The following TRAF3IP2 variants were observed in gnomAD, a reference collection of about 807,000 sequenced individuals.
TRAF3IP2 encodes the protein E3 ubiquitin ligase TRAF3IP2.
TRAF3IP2 carries 35 observed loss-of-function variants against 57.9 expected under a neutral mutation model. The observed-to-expected ratio is 0.60, with a 90% CI of 0.46 to 0.80. The LOEUF (loss-of-function observed/expected upper bound fraction) is 0.80, where lower values mean the gene tolerates loss of function less well. Ranked by LOEUF, TRAF3IP2 falls within the 30% of genes least tolerant of loss-of-function variation. TRAF3IP2 has a pLI of 0.00. For missense variants in TRAF3IP2, 556 were observed against 706.4 expected (o/e 0.79, Z 2.41); for synonymous variants, 251 against 268.9 (o/e 0.93, Z 0.65).
At chr6:111,563,091 T>A in intron 7 of TRAF3IP2, 52 bp from the exon 8 acceptor site, 2 of 1,357,566 alleles carry the variant, frequency 1.5e-6, no homozygotes, top group Non-Finnish European at 2.1e-6. Flanking sequence ...GATGAGGAGT[T>A]AATGGTACCC....
chr6:111,599,705 CA>C (rs1467661542), intron 1 of TRAF3IP2, among the ~76,000 whole-genome samples: 1 of 152,170 alleles, frequency 6.6e-6, no homozygotes, highest in Non-Finnish European at 1.5e-5. Context: ...TTTCTGATCT[CA>C]GAGTTCACCA....
intron 7 of TRAF3IP2, among the ~76,000 whole-genome samples, chr6:111,564,535 C>T (rs1236248467): frequency 6.6e-6 from 1 of 152,238 alleles, no homozygotes; most frequent in Non-Finnish European, 1.5e-5. Flanking sequence ...GATGCAGTTA[C>T]TCATCAGTAC....
chr6:111,603,809 G>T (rs529658822), intron 1 of TRAF3IP2, among the ~76,000 whole-genome samples: 1 of 152,308 alleles, frequency 6.6e-6, no homozygotes, highest in Non-Finnish European at 1.5e-5. Flanking sequence ...ACATTACTCA[G>T]ACCTCACTTC....
chr6:111,575,644 C>G lies in TRAF3IP2; in HGVS notation c.1200G>C (p.Leu400Phe). 6.2e-7 allele frequency: 1 copy of G among 1,608,936 alleles called. No individual in the cohort carries two copies. The highest frequency in any genetic ancestry group is 8.5e-7 in the Non-Finnish European group (1 of 1,178,600). ...TLKTSNLPEELRKVFITYSMD... is the reference protein window; with the variant it reads ...TLKTSNLPEEFRKVFITYSMD... Reference sequence around the variant, plus strand: ...AGAACAATGTTGCAAACAACTTACGCAATTCTTCTGGCAAATTGCTTGTTT... The same window carrying G: ...AGAACAATGTTGCAAACAACTTACGGAATTCTTCTGGCAAATTGCTTGTTT... Residue 400 changes from leucine to phenylalanine, a missense_variant and splice_region_variant, in exon 4 of 9, where the codon TTG (leucine) becomes TTC (phenylalanine). This residue lies in a region of TRAF3IP2 where 428 missense variants were observed against 498.7 expected (regional missense o/e 0.86). Coordinates refer to ENST00000368761, the MANE Select transcript of TRAF3IP2 (RefSeq NM_147686.4).
At chr6:111,589,619 G>C (rs537067931) in intron 2 of TRAF3IP2, among the ~76,000 whole-genome samples, 107 of 152,168 alleles carry the variant, frequency 7.0e-4, no homozygotes, top group African/African-American at 2.4e-3. Flanking sequence ...CCACGTCCCA[G>C]TTTTAGGCAT....
chr6:111,562,086 G>C (rs907510684), intron 8 of TRAF3IP2, among the ~76,000 whole-genome samples: 2 of 152,218 alleles, frequency 1.3e-5, no homozygotes, highest in African/African-American at 2.4e-5. Context: ...GCTGTGGTCT[G>C]ATTCTCAACA....
chr6:111,557,000 ACCTATAG>A lies in TRAF3IP2; in HGVS notation c.*2398_*2404del, dbSNP rs201818157. 0.014 allele frequency: 2,058 copies of A among 152,124 alleles called. 10 individuals carry two copies. The highest frequency in any genetic ancestry group is 0.02 in the Non-Finnish European group (1,394 of 68,026). 9.4% of individuals were successfully genotyped at this position (152,124 alleles called of 1,614,324 possible). A position where few individuals can be genotyped will look rare whatever the true frequency, so the allele number is the denominator to read the frequency against. On this transcript the variant is annotated 3_prime_UTR_variant, in exon 9 of 9. Transcript: ENST00000368761. Reference sequence around the variant, plus strand: ...AAATTAACCAAGCATGTTGGTGCACACCTATAGTCCCTGCTACTTGGGAGGCTGAAGT... The same window carrying A: ...AAATTAACCAAGCATGTTGGTGCACATCCCTGCTACTTGGGAGGCTGAAGT...
intron 8 of TRAF3IP2, among the ~76,000 whole-genome samples, chr6:111,560,815 C>T (rs575250220): frequency 1.2e-3 from 176 of 152,346 alleles, no homozygotes; most frequent in African/African-American, 3.8e-3. Flanking sequence ...AACCCAAACA[C>T]ATACCATTGA....
chr6:111,582,917 G>T (rs1796211160), intron 2 of TRAF3IP2, among the ~76,000 whole-genome samples: 1 of 152,056 alleles, frequency 6.6e-6, no homozygotes. Context: ...CACCCTCTTT[G>T]TCCAGAATGT....
chr6:111,602,730 G>A (rs548022723), intron 1 of TRAF3IP2, among the ~76,000 whole-genome samples: 5 of 152,108 alleles, frequency 3.3e-5, no homozygotes, highest in Admixed American at 1.3e-4. Context: ...AGTTCAGAGC[G>A]GGGAGGGAGA....
At chr6:111,573,226 C>T (rs1022497685) in intron 4 of TRAF3IP2, among the ~76,000 whole-genome samples, 7 of 152,098 alleles carry the variant, frequency 4.6e-5, no homozygotes, top group East Asian at 3.8e-4. Flanking sequence ...GAAATCAGAG[C>T]GACAGAGGAG....
intron 5 of TRAF3IP2, among the ~76,000 whole-genome samples, chr6:111,571,614 C>G (rs548137172): frequency 6.4e-4 from 98 of 152,232 alleles, no homozygotes; most frequent in African/African-American, 2.3e-3. Context: ...TAAAAAAGAA[C>G]TTTCATTTTC....
At position 111,591,088 on chromosome 6, in the gene TRAF3IP2, C is replaced by T. The variant is rs887815823; in HGVS notation, c.829+170G>A. On this transcript the variant is annotated intron_variant, in intron 2 of 8. Coordinates refer to ENST00000368761, the MANE Select transcript of TRAF3IP2 (RefSeq NM_147686.4). The surrounding 1 kb of genome is among the most constrained non-coding windows in gnomAD (Gnocchi z 4.9). ...TTAGGCTAAGAAAAAGCATTCTCTG[C>T]AGGCCCTTTGCAAATCCAGCCACAC... Among the ~76,000 whole-genome samples, 1 of 152,174 alleles carries T rather than the reference C, an allele frequency of 6.6e-6. No individual in the cohort carries two copies. The highest frequency in any genetic ancestry group is 1.5e-5 in the Non-Finnish European group (1 of 68,026).
intron 4 of TRAF3IP2, 67 bp downstream of exon 4, chr6:111,575,576 A>C: frequency 6.7e-7 from 1 of 1,502,586 alleles, no homozygotes; most frequent in Non-Finnish European, 8.9e-7. Context: ...CAACAGAGCG[A>C]GACTCCGTCT....
intron 5 of TRAF3IP2, among the ~76,000 whole-genome samples, chr6:111,571,982 C>T (rs1268928345): frequency 1.3e-5 from 2 of 151,834 alleles, no homozygotes; most frequent in Admixed American, 1.3e-4. Context: ...TTAAACAATA[C>T]TAAATAACTT....
chr6:111,582,989 TGTCCAAAGA>T (rs1049501764), intron 2 of TRAF3IP2, among the ~76,000 whole-genome samples: 31 of 152,232 alleles, frequency 2.0e-4, no homozygotes, highest in African/African-American at 7.5e-4. Flanking sequence ...AAATATCACC[TGTCCAAAGA>T]GTCCTGCCTC....
intron 4 of TRAF3IP2, among the ~76,000 whole-genome samples, chr6:111,573,224 A>G (rs1795884795): frequency 6.6e-6 from 1 of 152,160 alleles, no homozygotes; most frequent in South Asian, 2.1e-4. Flanking sequence ...TGGAAATCAG[A>G]GCGACAGAGG....
At chr6:111,575,210 G>C (rs192882988) in intron 4 of TRAF3IP2, among the ~76,000 whole-genome samples, 72 of 152,196 alleles carry the variant, frequency 4.7e-4, no homozygotes, top group Admixed American at 8.5e-4. Context: ...GGCAACAGGA[G>C]TGAGACCCTG....
intron 4 of TRAF3IP2, among the ~76,000 whole-genome samples, chr6:111,574,983 A>C (rs761887066): frequency 9.2e-5 from 14 of 152,216 alleles, no homozygotes; most frequent in Non-Finnish European, 1.9e-4. Context: ...GCACTTTGGG[A>C]GGCCAAGGCG....
Sources: gnomAD v4.1 joint callset for allele counts (sites outside exome capture counted in the v4.1 genomes callset) on GRCh38, gnomAD v4.1.1 for gene constraint, gnomAD v4.1.1 regional missense constraint, Gnocchi (gnomAD v3.1) non-coding constraint, MANE v1.5 for transcripts, NCBI Gene and HGNC (gene_info 2026-07-23, HGNC 2026-07-21) for gene names.